Variants in RAI14 observed in about 807,000 individuals in gnomAD.
RAI14 encodes ankycorbin.
In RAI14, 45 loss-of-function variants were observed where a neutral mutation model predicts 115.4. The observed-to-expected ratio is 0.39, with a 90% confidence interval of 0.31 to 0.50. The LOEUF is 0.50. RAI14 is among the 20% of genes least tolerant of loss of function. RAI14 has a pLI of 0.85. For synonymous variants in RAI14, 371 were observed against 415.4 expected (o/e 0.89, Z 1.30); for missense variants, 939 against 1,131.2 (o/e 0.83, Z 2.44).
At chr5:34,733,694 C>T (rs1437910134) in intron 2 of RAI14, among the ~76,000 whole-genome samples, 2 of 152,204 alleles carry the variant, frequency 1.3e-5, no homozygotes, top group African/African-American at 4.8e-5. Context: ...ATCAACCTGT[C>T]TCCCGCAAAG....
At chr5:34,728,101 G>C (rs1743700104) in intron 2 of RAI14, among the ~76,000 whole-genome samples, 2 of 152,160 alleles carry the variant, frequency 1.3e-5, no homozygotes, top group African/African-American at 4.8e-5. Flanking sequence ...TCTGGATTTT[G>C]GACTTGCATG....
intron 3 of RAI14, among the ~76,000 whole-genome samples, chr5:34,766,830 T>C (rs1207624959): frequency 6.6e-6 from 1 of 152,166 alleles, no homozygotes; most frequent in East Asian, 1.9e-4. Flanking sequence ...CATCTAAAAT[T>C]GTACTCCCAT....
rs367671538 is a variant in RAI14, at chr5:34,783,540, GTTCTGCTTCTGTCTTTGCAGCTGGT to G, written c.168-12393_168-12369del. Among the ~76,000 whole-genome samples, 458 of 152,238 alleles carry G rather than the reference GTTCTGCTTCTGTCTTTGCAGCTGGT, an allele frequency of 3.0e-3. 2 individuals carry two copies. Among genetic ancestry groups the G allele is most frequent in the African/African-American group, 0.011 (439 of 41,532 alleles). On this transcript the variant is annotated intron_variant, in intron 3 of 17. Coordinates refer to ENST00000265109, the MANE Select transcript of RAI14 (RefSeq NM_015577.3). The stretch of plus-strand genomic sequence containing the variant: ...TTGGATTTCTCCCACCAAACCAGTT[GTTCTGCTTCTGTCTTTGCAGCTGGT>G]TTCTGTAGATGCTGTTCAGCTGCTG...
At chr5:34,774,504 C>A (rs1032677030) in intron 3 of RAI14, among the ~76,000 whole-genome samples, 9 of 152,048 alleles carry the variant, frequency 5.9e-5, no homozygotes, top group Non-Finnish European at 1.2e-4. Flanking sequence ...TCAAGTAATT[C>A]TATTTACACT....
At chr5:34,711,238 G>T (rs1741362501) in intron 2 of RAI14, among the ~76,000 whole-genome samples, 1 of 152,212 alleles carries the variant, frequency 6.6e-6, no homozygotes. Flanking sequence ...TCAGCAAAGG[G>T]TGGTGGATTT....
intron 3 of RAI14, among the ~76,000 whole-genome samples, chr5:34,777,058 C>A (rs1219662741): frequency 6.6e-6 from 1 of 151,668 alleles, no homozygotes. Context: ...GTAATACCAG[C>A]AGGAGGCTGA....
Position 34,727,472 on chromosome 5 carries a change from A to T in RAI14, c.37-29996A>T, listed in dbSNP as rs575467901. ...AATGTTAATCACCAAGTCAATGGGG[A>T]GGATGTCTCCAGGATGTGCCAGAGA... On this transcript the variant is annotated intron_variant, in intron 2 of 17. Transcript: ENST00000265109. Among the ~76,000 whole-genome samples the T allele has an allele frequency of 9.8e-5, 15 of 152,304 alleles. No homozygotes were observed. In the East Asian group the frequency reaches 2.5e-3, roughly 25 times the overall value.
chr5:34,674,331 C>A (rs988739036), intron 1 of RAI14, among the ~76,000 whole-genome samples: 2 of 152,166 alleles, frequency 1.3e-5, no homozygotes, highest in African/African-American at 4.8e-5. Context: ...CCAAGTGACA[C>A]CACTGCGATC....
chr5:34,664,252 G>A (rs1318735065), intron 1 of RAI14, among the ~76,000 whole-genome samples: 7 of 151,452 alleles, frequency 4.6e-5, no homozygotes, highest in East Asian at 1.9e-4. Flanking sequence ...CCCTTTGAGA[G>A]GCTGAGGAGG....
At chr5:34,760,379 A>T (rs964679235) in intron 3 of RAI14, among the ~76,000 whole-genome samples, 2 of 152,128 alleles carry the variant, frequency 1.3e-5, no homozygotes, top group Non-Finnish European at 2.9e-5. Context: ...TCAACCCCAG[A>T]TGCTCTGAAT....
chr5:34,808,695 G>T (rs901119530), intron 7 of RAI14, 41 bp downstream of exon 7: 1 of 1,575,410 alleles, frequency 6.3e-7, no homozygotes, highest in Non-Finnish European at 8.7e-7. Flanking sequence ...GTAGACATTG[G>T]TTTCTAGAGC....
chr5:34,658,157 G>A (rs1742427069), intron 1 of RAI14, among the ~76,000 whole-genome samples: 1 of 152,122 alleles, frequency 6.6e-6, no homozygotes, highest in African/African-American at 2.4e-5. Context: ...TGGTGGTGGT[G>A]GTGGTGTGAT....
chr5:34,657,832 A>T (rs1276290209), intron 1 of RAI14, among the ~76,000 whole-genome samples: 1 of 152,222 alleles, frequency 6.6e-6, no homozygotes, highest in Non-Finnish European at 1.5e-5. Context: ...CGGGAATCAC[A>T]GGGAGGCTGG....
intron 2 of RAI14, among the ~76,000 whole-genome samples, chr5:34,731,435 T>G (rs1465042182): frequency 2.6e-5 from 4 of 152,352 alleles, no homozygotes; most frequent in South Asian, 4.1e-4. Flanking sequence ...TCAGATGAAC[T>G]CTTCTATTAA....
In RAI14 at chr5:34,831,718, A is replaced by C. The variant is rs1242286803; in HGVS notation, c.*953A>C. The C allele has an allele frequency of 6.6e-6, 1 of 152,210 alleles. No individual in the cohort carries two copies. Among genetic ancestry groups the C allele is most frequent in the East Asian group, 1.9e-4 (1 of 5,202 alleles). The allele number at this position is 152,210 out of a possible 1,614,324, so 9.4% of individuals were successfully genotyped here. Reference sequence around the variant, plus strand: ...TACTTTTTAGGTAGCCATGCTTGAGACTTTTTAAAAATATAACTTTTTCCT... The same window carrying C: ...TACTTTTTAGGTAGCCATGCTTGAGCCTTTTTAAAAATATAACTTTTTCCT... On this transcript the variant is annotated 3_prime_UTR_variant, in exon 18 of 18. Transcript: ENST00000265109.
chr5:34,799,527 C>G (rs1287585722), intron 4 of RAI14, among the ~76,000 whole-genome samples: 1 of 88,108 alleles, frequency 1.1e-5, no homozygotes, highest in African/African-American at 4.2e-5. Flanking sequence ...CACACACACA[C>G]ACACACACAC....
intron 5 of RAI14, among the ~76,000 whole-genome samples, chr5:34,806,616 G>A (rs1019652469): frequency 2.6e-5 from 4 of 152,080 alleles, no homozygotes; most frequent in Non-Finnish European, 4.4e-5. Context: ...GAGGGGTCGG[G>A]GAAGGGGGTG....
chr5:34,778,834 A>G (rs2150153791), intron 3 of RAI14, among the ~76,000 whole-genome samples: 1 of 152,100 alleles, frequency 6.6e-6, no homozygotes, highest in East Asian at 1.9e-4. Flanking sequence ...CGTGTCTTTG[A>G]AAGGAAAGCC....
intron 10 of RAI14, among the ~76,000 whole-genome samples, chr5:34,813,264 T>C (rs1002607634): frequency 1.3e-5 from 2 of 152,236 alleles, no homozygotes; most frequent in Admixed American, 1.3e-4. Flanking sequence ...TACAGAAAGC[T>C]GGCTGTGATT....
Sources: allele counts gnomAD v4.1 joint callset (sites outside exome capture counted in the v4.1 genomes callset), GRCh38; gene constraint gnomAD v4.1.1; transcripts MANE v1.5; gene names NCBI Gene and HGNC (gene_info 2026-07-23, HGNC 2026-07-21).